The following CNTN6 variants were observed in gnomAD, a reference collection of about 807,000 sequenced individuals.
The protein encoded by CNTN6 is contactin 6.
Under a neutral mutation model 122.8 loss-of-function variants are expected in CNTN6, and 137 were observed. That is an observed-to-expected ratio of 1.12 (90% CI 0.97 to 1.29). CNTN6 has a LOEUF of 1.29. Ranked by LOEUF, CNTN6 falls within the 50% of genes most tolerant of loss-of-function variation. The pLI, the probability that CNTN6 is intolerant of heterozygous loss-of-function variation, is 0.00. For missense variants in CNTN6, 1,634 were observed against 1,223.4 expected, an observed-to-expected ratio of 1.34 and a Z score of -5.01; for synonymous variants, 570 against 426.0, an observed-to-expected ratio of 1.34 and a Z score of -4.16.
intron 11 of CNTN6, among the ~76,000 whole-genome samples, chr3:1,330,748 G>A (rs73006834): frequency 0.018 from 2,710 of 151,902 alleles, 37 homozygotes; most frequent in Non-Finnish European, 0.028. Flanking sequence ...TACCAGGATG[G>A]GCAGGTAAAA....
chr3:1,193,287 A>T (rs1458753252), intron 2 of CNTN6, among the ~76,000 whole-genome samples: 1 of 152,186 alleles, frequency 6.6e-6, no homozygotes, highest in East Asian at 1.9e-4. Flanking sequence ...AACCTCAGCT[A>T]ACCAGCATTA....
chr3:1,388,175 G>A (rs978791974), intron 20 of CNTN6, among the ~76,000 whole-genome samples: 1 of 151,356 alleles, frequency 6.6e-6, no homozygotes, highest in African/African-American at 2.4e-5. Flanking sequence ...TGACAGCTTT[G>A]AAGAGAGCAC....
chr3:1,147,746 A>C (rs984164358), intron 1 of CNTN6, among the ~76,000 whole-genome samples, 181 bp from the exon 2 acceptor site: 2 of 152,134 alleles, frequency 1.3e-5, no homozygotes, highest in Non-Finnish European at 2.9e-5. Context: ...AATTAAGAAA[A>C]TATGAGCTGA....
chr3:1,348,747 G>C (rs1323413891), intron 11 of CNTN6, among the ~76,000 whole-genome samples: 2 of 151,872 alleles, frequency 1.3e-5, no homozygotes, highest in Non-Finnish European at 2.9e-5. Context: ...TGAGCCCTCC[G>C]CCATCTAGTG....
At chr3:1,195,543 T>C (rs1480375618) in intron 2 of CNTN6, among the ~76,000 whole-genome samples, 1 of 152,214 alleles carries the variant, frequency 6.6e-6, no homozygotes, top group African/African-American at 2.4e-5. Context: ...TACCAAACTC[T>C]TGTTCTTTTT....
At chr3:1,188,092 T>C (rs1278033787) in intron 2 of CNTN6, among the ~76,000 whole-genome samples, 2 of 152,138 alleles carry the variant, frequency 1.3e-5, no homozygotes, top group Non-Finnish European at 2.9e-5. Flanking sequence ...ACATGCAAAA[T>C]CCTTCATAAT....
chr3:1,208,176 T>A (rs114068881), intron 2 of CNTN6, among the ~76,000 whole-genome samples: 108 of 152,238 alleles, frequency 7.1e-4, no homozygotes, highest in African/African-American at 2.5e-3. Context: ...CATATCATAA[T>A]CTTGCTTAAA....
At chr3:1,285,936 C>T (rs535896478) in intron 5 of CNTN6, among the ~76,000 whole-genome samples, 2 of 152,328 alleles carry the variant, frequency 1.3e-5, no homozygotes, top group East Asian at 1.9e-4. Flanking sequence ...CCAGGAAGCT[C>T]ATGGCTCTTC....
chr3:1,154,448 C>CTTTTTTTTTT (rs771133835), intron 2 of CNTN6, among the ~76,000 whole-genome samples: 2,303 of 140,074 alleles, frequency 0.016, 56 homozygotes, highest in East Asian at 0.022. Context: ...TCTTTTCTTT[C>CTTTTTTTTTT]TTTTTTTTTT....
At chr3:1,360,766 C>A (rs1003457245) in intron 12 of CNTN6, among the ~76,000 whole-genome samples, 1 of 151,976 alleles carries the variant, frequency 6.6e-6, no homozygotes, top group African/African-American at 2.4e-5. Flanking sequence ...AATTCAACAG[C>A]CTATTTTATC....
intron 2 of CNTN6, among the ~76,000 whole-genome samples, chr3:1,162,382 T>G (rs565585447): frequency 6.6e-6 from 1 of 151,538 alleles, no homozygotes; most frequent in African/African-American, 2.4e-5. Context: ...CATTTGGGGT[T>G]GTACAGCTCA....
chr3:1,318,589 G>A (rs1022296391), intron 7 of CNTN6, among the ~76,000 whole-genome samples: 1 of 151,718 alleles, frequency 6.6e-6, no homozygotes, highest in African/African-American at 2.4e-5. Flanking sequence ...AAGTGGGGCA[G>A]GGAAGAGATA....
At chr3:1,209,122 A>T (rs1287027463) in intron 2 of CNTN6, among the ~76,000 whole-genome samples, 1 of 152,184 alleles carries the variant, frequency 6.6e-6, no homozygotes, top group Non-Finnish European at 1.5e-5. Context: ...GCCACTTCCA[A>T]TATGGCATAT....
At chr3:1,314,610 G>T (rs1006013517) in intron 7 of CNTN6, among the ~76,000 whole-genome samples, 1 of 151,966 alleles carries the variant, frequency 6.6e-6, no homozygotes, top group Non-Finnish European at 1.5e-5. Flanking sequence ...CTCGAAATCA[G>T]GATGAACTAG....
intron 4 of CNTN6, among the ~76,000 whole-genome samples, chr3:1,272,540 T>C (rs1437721987): frequency 6.6e-6 from 1 of 152,098 alleles, no homozygotes; most frequent in Non-Finnish European, 1.5e-5. Context: ...GGAAAAAATA[T>C]ATATCATTAT....
Position 1,401,308 on chromosome 3 carries a change from T to C in CNTN6, c.2705-125T>C, listed in dbSNP as rs1695675181. Reference sequence around the variant, plus strand: ...AGAATTAATATATTTCAAATGACACTGAAGACATTTTAGCTCCTTCTATGC... The same window carrying C: ...AGAATTAATATATTTCAAATGACACCGAAGACATTTTAGCTCCTTCTATGC... On this transcript the variant is annotated intron_variant, in intron 20 of 22. Coordinates refer to ENST00000446702, the MANE Select transcript of CNTN6 (RefSeq NM_001289080.2). 3 of 716,054 alleles carry C rather than the reference T, an allele frequency of 4.2e-6. No homozygotes were observed. The Admixed American group carries it at 8.4e-5, about 20-fold the overall frequency. The allele number at this position is 716,054 out of a possible 1,614,324, so 44.4% of individuals were successfully genotyped here. A position where few individuals can be genotyped will look rare whatever the true frequency, so the allele number is the denominator to read the frequency against.
chr3:1,132,119 A>G (rs916176909), intron 1 of CNTN6, among the ~76,000 whole-genome samples: 1 of 152,134 alleles, frequency 6.6e-6, no homozygotes, highest in African/African-American at 2.4e-5. Flanking sequence ...TGTTCTGGGA[A>G]TCGACAAGCA....
At chr3:1,304,147 C>A (rs1452671571) in intron 7 of CNTN6, among the ~76,000 whole-genome samples, 1 of 152,190 alleles carries the variant, frequency 6.6e-6, no homozygotes, top group East Asian at 1.9e-4. Context: ...CTACTTATGT[C>A]TCCCCTACCT....
At chr3:1,241,584 AG>A (rs1253280864) in intron 4 of CNTN6, among the ~76,000 whole-genome samples, 5 of 152,194 alleles carry the variant, frequency 3.3e-5, no homozygotes, top group Non-Finnish European at 5.9e-5. Flanking sequence ...AAGAATTGGG[AG>A]GACCCAGGAC....
Sources: allele counts gnomAD v4.1 joint callset (sites outside exome capture counted in the v4.1 genomes callset), GRCh38; gene constraint gnomAD v4.1.1; transcripts MANE v1.5; gene names NCBI Gene and HGNC (gene_info 2026-07-23, HGNC 2026-07-21).